VDAC1: variants seen among roughly 807,000 people sequenced by gnomAD.
VDAC1 encodes voltage dependent anion channel 1.
A neutral mutation model predicts 34.7 loss-of-function variants in VDAC1; 10 were observed. The ratio of observed to expected loss-of-function variants is 0.29; its 90% CI spans 0.18 to 0.49. VDAC1 has a LOEUF of 0.49. VDAC1 is among the 20% of genes least tolerant of loss of function. VDAC1 has a pLI of 0.99. For synonymous variants in VDAC1, 130 were observed against 136.0 expected, an observed-to-expected ratio of 0.96 and a Z score of 0.30; for missense variants, 230 against 347.9, an observed-to-expected ratio of 0.66 and a Z score of 2.69.
chr5:133,974,123 T>A (rs561763556), intron 7 of VDAC1, among the ~76,000 whole-genome samples: 1 of 152,308 alleles, frequency 6.6e-6, no homozygotes, highest in Admixed American at 6.5e-5. Flanking sequence ...CTTTTGCTCA[T>A]ATAAATAATG....
At chr5:134,071,151 G>T in the VDAC1 span, among the ~76,000 whole-genome samples, 1 of 152,336 alleles carries the variant, frequency 6.6e-6, no homozygotes, top group East Asian at 1.9e-4. This position sits in a 1 kb window ranked among gnomAD's most constrained non-coding sequence, Gnocchi z 4.1. Flanking sequence ...TTCCCCCGAG[G>T]GGATCCTCGG....
chr5:133,992,126 C>T (rs1479394017), intron 3 of VDAC1, among the ~76,000 whole-genome samples, 180 bp downstream of exon 3: 1 of 152,066 alleles, frequency 6.6e-6, no homozygotes, highest in Admixed American at 6.5e-5. Flanking sequence ...ATCCCAGCTA[C>T]TCGGTAGGCT....
the VDAC1 span, among the ~76,000 whole-genome samples, chr5:134,096,145 G>A: frequency 6.6e-6 from 1 of 152,200 alleles, no homozygotes; most frequent in Non-Finnish European, 1.5e-5. Flanking sequence ...CCCAGGGCCC[G>A]GGATTGTGCG....
the VDAC1 span, among the ~76,000 whole-genome samples, chr5:134,093,611 CCAGATGTGACTT>C: frequency 1.3e-5 from 2 of 152,156 alleles, no homozygotes; most frequent in African/African-American, 4.8e-5. Context: ...ACCAGGCTTC[CCAGATGTGACTT>C]CAGATGTGCA....
chr5:134,055,619 T>TTTTTTTTTTTTTTTTTTTTTTTTG, the VDAC1 span, among the ~76,000 whole-genome samples: 1 of 109,536 alleles, frequency 9.1e-6, no homozygotes. Flanking sequence ...TTTTTTTTTT[T>TTTTTTTTTTTTTTTTTTTTTTTTG]AGTAGAGACA....
chr5:134,101,679 C>T, the VDAC1 span, among the ~76,000 whole-genome samples: 1 of 152,130 alleles, frequency 6.6e-6, no homozygotes, highest in Admixed American at 6.6e-5. Context: ...TGCTATTATC[C>T]CACCAGCCTG....
At chr5:134,099,355 C>T in the VDAC1 span, among the ~76,000 whole-genome samples, 3 of 152,288 alleles carry the variant, frequency 2.0e-5, no homozygotes, top group East Asian at 5.8e-4. Context: ...CTTCTCAGGG[C>T]CCTAAAGGTG....
chr5:134,108,789 C>T, the VDAC1 span, among the ~76,000 whole-genome samples: 2 of 152,154 alleles, frequency 1.3e-5, no homozygotes, highest in African/African-American at 4.8e-5. Context: ...TGGCCAAACT[C>T]TCCCCCAGGG....
chr5:133,980,991 T>C (rs983853392), intron 5 of VDAC1, 35 bp from the exon 6 acceptor site: 2 of 1,546,460 alleles, frequency 1.3e-6, no homozygotes, highest in African/African-American at 1.4e-5. Context: ...GATCAGAAGC[T>C]AACTCACCTT....
chr5:133,999,024 G>A (rs971795568), intron 1 of VDAC1, among the ~76,000 whole-genome samples: 1 of 152,044 alleles, frequency 6.6e-6, no homozygotes, highest in African/African-American at 2.4e-5. Flanking sequence ...AAGGATTCAG[G>A]CATGTGCCAG....
chr5:134,048,667 C>T, the VDAC1 span, among the ~76,000 whole-genome samples: 1 of 152,166 alleles, frequency 6.6e-6, no homozygotes, highest in Non-Finnish European at 1.5e-5. Context: ...CCAATGCCCT[C>T]ATTATTCAAA....
chr5:134,086,427 T>C, the VDAC1 span, among the ~76,000 whole-genome samples: 1 of 152,164 alleles, frequency 6.6e-6, no homozygotes, highest in Non-Finnish European at 1.5e-5. Context: ...ACCTGGAACC[T>C]GGGAGGCCTC....
intron 6 of VDAC1, among the ~76,000 whole-genome samples, chr5:133,978,900 C>G (rs1752580046): frequency 6.6e-6 from 1 of 152,098 alleles, no homozygotes; most frequent in East Asian, 1.9e-4. Context: ...GTAGTCCCAG[C>G]TACTTGCAAG....
At chr5:134,039,340 T>G in the VDAC1 span, among the ~76,000 whole-genome samples, 13 of 152,138 alleles carry the variant, frequency 8.5e-5, no homozygotes, top group South Asian at 4.1e-4. Flanking sequence ...TTTTTTTTAT[T>G]TTTTTTGAGA....
chr5:134,113,334 G>A, the VDAC1 span, among the ~76,000 whole-genome samples: 1 of 152,224 alleles, frequency 6.6e-6, no homozygotes, highest in Non-Finnish European at 1.5e-5. Context: ...TGTGGGGGCT[G>A]GTGTCCGAGA....
upstream of VDAC1, among the ~76,000 whole-genome samples, chr5:134,008,054 G>C (rs1196299966): frequency 1.3e-5 from 2 of 152,102 alleles, no homozygotes; most frequent in Non-Finnish European, 2.9e-5. Flanking sequence ...TGACTCCAAA[G>C]CCTTCCTGGG....
chr5:134,032,506 T>C, the VDAC1 span, among the ~76,000 whole-genome samples: 1 of 152,232 alleles, frequency 6.6e-6, no homozygotes, highest in Non-Finnish European at 1.5e-5. Flanking sequence ...ATGTGCAAGA[T>C]TATTCTGTGC....
the VDAC1 span, among the ~76,000 whole-genome samples, chr5:134,035,633 A>G: frequency 6.6e-6 from 1 of 152,232 alleles, no homozygotes; most frequent in Admixed American, 6.5e-5. Context: ...ATAAAAATCA[A>G]TTAGATAAAT....
chr5:133,979,424 CTT>C (rs71581380), intron 6 of VDAC1, among the ~76,000 whole-genome samples: 179 of 80,962 alleles, frequency 2.2e-3, no homozygotes, highest in African/African-American at 8.3e-3. Flanking sequence ...ATTTTCTTTG[CTT>C]TTTTTTTTTT....
Sources: gnomAD v4.1 joint callset for allele counts (sites outside exome capture counted in the v4.1 genomes callset) on GRCh38, gnomAD v4.1.1 for gene constraint, Gnocchi (gnomAD v3.1) non-coding constraint, MANE v1.5 for transcripts, NCBI Gene and HGNC (gene_info 2026-07-23, HGNC 2026-07-21) for gene names.